Variants in ESPL1 observed in about 807,000 individuals in gnomAD.
ESPL1 encodes the protein separin.
ESPL1 carries 50 observed loss-of-function variants against 217.2 expected under a neutral mutation model. The ratio of observed to expected loss-of-function variants is 0.23; its 90% CI spans 0.18 to 0.29. ESPL1 has a LOEUF of 0.29. Ranked by LOEUF, ESPL1 falls within the 10% of genes least tolerant of loss-of-function variation. The pLI is 1.00. For missense variants in ESPL1, 1,834 were observed against 2,603.0 expected (o/e 0.70, Z 6.43); for synonymous variants, 994 against 1,081.3 (o/e 0.92, Z 1.58).
Position 53,272,832 on chromosome 12 carries a change from C to G in ESPL1, c.1481C>G (p.Thr494Ser). The G allele has an allele frequency of 6.2e-7, 1 of 1,614,074 alleles. No homozygotes were observed. Among genetic ancestry groups the G allele is most frequent in the Non-Finnish European group, 8.5e-7 (1 of 1,180,026 alleles). Residue 494 changes from threonine to serine, a missense_variant, in exon 6 of 31, where the codon ACT (threonine) becomes AGT (serine). By Grantham distance (58) the Thr-to-Ser change is moderately conservative. Transcript: ENST00000257934. Reference protein sequence around the residue: ...CQHLGLVKPGTYPEVPPEKLH... With the variant: ...CQHLGLVKPGSYPEVPPEKLH... ...CACCTGGGTTTGGTGAAGCCAGGCACTTATCCCGAGGTGCCTCCTGAGAAG... is the reference window on the plus strand; with the variant it reads ...CACCTGGGTTTGGTGAAGCCAGGCAGTTATCCCGAGGTGCCTCCTGAGAAG...
rs146446613 is a variant in ESPL1 at position 53,277,192 on chromosome 12, C to T, written c.2050C>T (p.Leu684Phe). 4.3e-6 allele frequency: 7 copies of T among 1,613,738 alleles called. No individual in the cohort carries two copies. The African/African-American group carries it at 8.0e-5, about 18-fold the overall frequency. Residue 684 changes from leucine to phenylalanine, a missense_variant, in exon 9 of 31, where the codon CTT becomes TTT. Transcript: ENST00000257934. ...CGATAAAGCACAGGCCTTGCTGTGG[C>T]TTTACATCTGTACTCTGGAAGCCAA... ...LDDKAQALLWLYICTLEAKMQ... is the reference protein window; with the variant it reads ...LDDKAQALLWFYICTLEAKMQ...
In ESPL1 at chr12:53,283,275, A is replaced by G. The variant is rs915980325; in HGVS notation, c.2920+18A>G. 3 of 1,614,014 alleles carry G rather than the reference A, an allele frequency of 1.9e-6. No individual in the cohort carries two copies. The African/African-American group carries it at 4.0e-5, about 22-fold the overall frequency. On this transcript the variant is annotated intron_variant, in intron 15 of 30. Transcript: ENST00000257934. Reference sequence around the variant, plus strand: ...GGACTATGGTGAGTCTGGGGAGGACAGCAGGGCCCTCTTGGAATGGACAGG... The same window carrying G: ...GGACTATGGTGAGTCTGGGGAGGACGGCAGGGCCCTCTTGGAATGGACAGG...
intron 23 of ESPL1, 62 bp downstream of exon 23, chr12:53,290,274 C>T: frequency 1.2e-6 from 2 of 1,611,018 alleles, no homozygotes; most frequent in Non-Finnish European, 1.7e-6. Context: ...AAGCTGCTCA[C>T]ATTCTGTGTT....
chr12:53,272,899 T>TGGGGAGCGG, intron 6 of ESPL1, 42 bp downstream of exon 6: 1 of 1,606,500 alleles, frequency 6.2e-7, no homozygotes, highest in Non-Finnish European at 8.5e-7. Context: ...CTTATGTGGT[T>TGGGGAGCGG]GGGGAGCGGG....
rs773703245 is a variant in ESPL1, at chr12:53,276,744, G to A, written c.1825G>A (p.Asp609Asn). 1.9e-6 allele frequency: 3 copies of A among 1,613,658 alleles called. No homozygotes were observed. The highest frequency in any genetic ancestry group is 4.5e-5 in the East Asian group (2 of 44,882). The part of the protein sequence containing the change: ...TGQERFNIIC[D>N]LLELSPEETP... ...ACAGGAACGCTTCAACATCATCTGT[G>A]ACCTCCTGGAGCTGAGCCCCGAGGA... Residue 609 changes from aspartate (D) to asparagine (N), a missense_variant, in exon 8 of 31, where the codon GAC (aspartate) becomes AAC (asparagine). Physicochemically the swap from Asp to Asn is conservative, Grantham distance 23 (BLOSUM62 1). Around this residue, in one of 5 missense-constraint regions of ESPL1, gnomAD observed 746 missense variants for 1,077.0 expected, o/e 0.69. Transcript: ENST00000257934.
Position 53,268,737 on chromosome 12 carries a change from T to G in ESPL1, c.-12-18T>G. On this transcript the variant is annotated intron_variant, in intron 1 of 30. Transcript: ENST00000257934. ...AGCTTCATTAACAATCTTCTCTAAT[T>G]GGTCTCCTTTTCCCTAGCTCTCCGG... 1 of 1,491,124 alleles carries G rather than the reference T, an allele frequency of 6.7e-7. No homozygotes were observed. Among genetic ancestry groups the G allele is most frequent in the Non-Finnish European group, 9.3e-7 (1 of 1,075,046 alleles). 92.4% of individuals were successfully genotyped at this position (1,491,124 alleles called of 1,614,324 possible).
Position 53,282,485 on chromosome 12 carries a change from C to T in ESPL1, c.2791+50C>T. ...CCCTTGGATGACATGTATGGTCTGT[C>T]TGCTGTCAGCTCTTCTCAAACCTCA... is the stretch of plus-strand genomic sequence containing the variant. On this transcript the variant is annotated intron_variant, in intron 14 of 30. Transcript: ENST00000257934. This position sits in a 1 kb window ranked among gnomAD's most constrained non-coding sequence, Gnocchi z 4.0. The T allele has an allele frequency of 6.5e-7, 1 of 1,540,660 alleles. No individual in the cohort carries two copies. Among genetic ancestry groups the T allele is most frequent in the South Asian group, 1.1e-5 (1 of 87,942 alleles).
In ESPL1 at chr12:53,286,975, GTGTT is replaced by G. The variant is rs2120977261; in HGVS notation, c.4176+65_4176+68del. ...TGGATGGGGTTAGTCCTGGAGGAGA[GTGTT>G]TTATAGAGCAGGTGTCCCTGTGGAA... On this transcript the variant is annotated intron_variant, in intron 18 of 30. Coordinates refer to ENST00000257934, the MANE Select transcript of ESPL1 (RefSeq NM_012291.5). The surrounding 1 kb of genome is among the most constrained non-coding windows in gnomAD (Gnocchi z 5.3). 10 of 1,488,156 alleles carry G rather than the reference GTGTT, an allele frequency of 6.7e-6. No individual in the cohort carries two copies. In the South Asian group the frequency reaches 1.2e-4, roughly 18 times the overall value. 92.2% of individuals were successfully genotyped at this position (1,488,156 alleles called of 1,614,324 possible). A position where few individuals can be genotyped will look rare whatever the true frequency, so the allele number is the denominator to read the frequency against.
chr12:53,288,796 C>A, intron 20 of ESPL1, 97 bp downstream of exon 20: 2 of 1,157,844 alleles, frequency 1.7e-6, no homozygotes, highest in Non-Finnish European at 2.5e-6. Context: ...GGATCTGGAT[C>A]CAGTAGCCTC....
chr12:53,275,919 C>T (rs1943759219), intron 7 of ESPL1, among the ~76,000 whole-genome samples: 1 of 152,032 alleles, frequency 6.6e-6, no homozygotes, highest in African/African-American at 2.4e-5. Flanking sequence ...GAGGGAGCAA[C>T]TTGAGGTGGG....
rs757494528 is a variant in ESPL1, at chr12:53,277,890, C to A, written c.2294C>A (p.Ala765Asp). The change falls in exon 11 of 31, where the codon GCT becomes GAT. Residue 765 changes from alanine to aspartate, a missense_variant. This residue lies in a region of ESPL1 where 746 missense variants were observed against 1,077.0 expected (regional missense o/e 0.69). Coordinates refer to ENST00000257934, the MANE Select transcript of ESPL1 (RefSeq NM_012291.5). ...CTGCTTACAAAGGGGCAGGCCCCAG[C>A]TGTACGGTGTCTCCAGCAGACAGCA... ...KELLTKGQAPAVRCLQQTAAS... is the reference protein window; with the variant it reads ...KELLTKGQAPDVRCLQQTAAS... 10 of 1,614,178 alleles carry A rather than the reference C, an allele frequency of 6.2e-6. No homozygotes were observed. The South Asian group carries it at 9.9e-5, about 16-fold the overall frequency.
Position 53,269,604 on chromosome 12 carries a change from A to T in ESPL1, c.662A>T (p.Asp221Val). 6.2e-7 allele frequency: 1 copy of T among 1,614,184 alleles called. No homozygotes were observed. The highest frequency in any genetic ancestry group is 8.5e-7 in the Non-Finnish European group (1 of 1,180,028). ...AATGAAGCAGATGCTGATTTCCTAG[A>T]TGACCTGCTCTCCAGGCACGTGATC... ...GLNEADADFL[D>V]DLLSRHVIRA... The change falls in exon 3 of 31, where the codon GAT becomes GTT. Residue 221 changes from aspartate (D) to valine (V), a missense_variant. This residue lies in a region of ESPL1 where 746 missense variants were observed against 1,077.0 expected (regional missense o/e 0.69). Coordinates refer to ENST00000257934, the MANE Select transcript of ESPL1 (RefSeq NM_012291.5). The surrounding 1 kb of genome is among the most constrained non-coding windows in gnomAD (Gnocchi z 6.7).
intron 5 of ESPL1, among the ~76,000 whole-genome samples, chr12:53,271,003 T>C (rs1271316635): frequency 6.6e-6 from 1 of 152,146 alleles, no homozygotes; most frequent in Admixed American, 6.5e-5. Flanking sequence ...CAGCAGACAC[T>C]ATTTCCTCGA....
At chr12:53,268,920 G>A (rs1943616147) in intron 2 of ESPL1, 73 bp downstream of exon 2, 2 of 1,505,534 alleles carry the variant, frequency 1.3e-6, no homozygotes, top group Non-Finnish European at 1.8e-6. Flanking sequence ...CTTTTGAAGA[G>A]ATGGATAAGT....
chr12:53,293,177 A>G lies in ESPL1; in HGVS notation c.6162-96A>G. The G allele has an allele frequency of 1.7e-6, 2 of 1,144,758 alleles. No homozygotes were observed. Among genetic ancestry groups the G allele is most frequent in the Non-Finnish European group, 2.6e-6 (2 of 769,362 alleles). The allele number at this position is 1,144,758 out of a possible 1,614,324, so 70.9% of individuals were successfully genotyped here. ...GCCAAAGGAGTTTCTCATTGGTTCAATCCTCTCCACTCACCCACCCCCACC... is the reference window on the plus strand; with the variant it reads ...GCCAAAGGAGTTTCTCATTGGTTCAGTCCTCTCCACTCACCCACCCCCACC... On this transcript the variant is annotated intron_variant, in intron 30 of 30. Transcript: ENST00000257934. This position sits in a 1 kb window ranked among gnomAD's most constrained non-coding sequence, Gnocchi z 4.2.
rs949064966 is a variant in ESPL1, at chr12:53,293,631, C to A, written c.*157C>A. 9.6e-6 allele frequency: 6 copies of A among 625,598 alleles called. No homozygotes were observed. The highest frequency in any genetic ancestry group is 9.2e-5 in the African/African-American group (5 of 54,360). The allele number at this position is 625,598 out of a possible 1,614,324, so 38.8% of individuals were successfully genotyped here. ...TAACCTCAGTATAATAAAGATACAT[C>A]ATTTAAACCCTGTTTTGCGTAGTTT... is the stretch of plus-strand genomic sequence containing the variant. On this transcript the variant is annotated 3_prime_UTR_variant, in exon 31 of 31. Transcript: ENST00000257934. The surrounding 1 kb of genome is among the most constrained non-coding windows in gnomAD (Gnocchi z 4.2).
At position 53,293,230 on chromosome 12, in the gene ESPL1, T is replaced by C; in HGVS notation, c.6162-43T>C. 1 of 1,529,494 alleles carries C rather than the reference T, an allele frequency of 6.5e-7. No individual in the cohort carries two copies. Among genetic ancestry groups the C allele is most frequent in the Non-Finnish European group, 9.1e-7 (1 of 1,103,132 alleles). The allele number at this position is 1,529,494 out of a possible 1,614,324, so 94.7% of individuals were successfully genotyped here. On this transcript the variant is annotated intron_variant, in intron 30 of 30. Transcript: ENST00000257934. This position sits in a 1 kb window ranked among gnomAD's most constrained non-coding sequence, Gnocchi z 4.2. ...CAATGGTGTTTTCCTATGTATTCTG[T>C]TTTAGAGCCCTTACTTTGTATTTCC...
At chr12:53,284,736 G>A (rs1328395517) in intron 17 of ESPL1, among the ~76,000 whole-genome samples, 6 of 151,580 alleles carry the variant, frequency 4.0e-5, no homozygotes, top group South Asian at 2.1e-4. Flanking sequence ...ATTTAGGGCC[G>A]GGCTCGGTGG....
At position 53,290,938 on chromosome 12, in the gene ESPL1, G is replaced by A. The variant is rs1037657641; in HGVS notation, c.5462G>A (p.Arg1821His). 9 of 1,605,834 alleles carry A rather than the reference G, an allele frequency of 5.6e-6. No individual in the cohort carries two copies. Among genetic ancestry groups the A allele is most frequent in the East Asian group, 4.5e-5 (2 of 44,692 alleles). Residue 1821 changes from arginine (R) to histidine (H), a missense_variant, in exon 25 of 31, where the codon CGC becomes CAC. Arg to His is a conservative substitution (Grantham distance 29). This residue lies in a region of ESPL1 where 295 missense variants were observed against 519.8 expected (regional missense o/e 0.57). Coordinates refer to ENST00000257934, the MANE Select transcript of ESPL1 (RefSeq NM_012291.5). The part of the protein sequence containing the change: ...EEPGPAQEAS[R>H]LQELLQDCGW... ...CCCGGCCCTGCCCAGGAGGCCTCCC[G>A]CCTACAGGAGCTGCTACAGGACTGT...
Sources: allele counts gnomAD v4.1 joint callset (sites outside exome capture counted in the v4.1 genomes callset), GRCh38; gene constraint gnomAD v4.1.1; regional missense constraint gnomAD v4.1.1; non-coding constraint Gnocchi (gnomAD v3.1); transcripts MANE v1.5; gene names NCBI Gene and HGNC (gene_info 2026-07-23, HGNC 2026-07-21).